The following CNTNAP2 variants were observed in gnomAD, a reference collection of about 807,000 sequenced individuals.
The protein encoded by CNTNAP2 is contactin associated protein 2, also known as contactin-associated protein-like 2.
CNTNAP2 carries 98 observed loss-of-function variants against 155.2 expected under a neutral mutation model. The observed-to-expected ratio is 0.63, with a 90% CI of 0.54 to 0.75. The LOEUF (loss-of-function observed/expected upper bound fraction) is 0.75, where lower values mean the gene tolerates loss of function less well. CNTNAP2 is among the 30% of genes least tolerant of loss of function. CNTNAP2 has a pLI of 0.00. For missense variants in CNTNAP2, 1,727 were observed against 1,688.1 expected, an observed-to-expected ratio of 1.02 and a Z score of -0.40; for synonymous variants, 651 against 631.2, an observed-to-expected ratio of 1.03 and a Z score of -0.47.
intron 15 of CNTNAP2, among the ~76,000 whole-genome samples, chr7:148,022,732 C>A (rs1390717601): frequency 6.6e-6 from 1 of 151,716 alleles, no homozygotes; most frequent in Non-Finnish European, 1.5e-5. Flanking sequence ...TTGGACTCTG[C>A]GAATGGATGT....
chr7:148,176,211 C>CTTTTTTTTTTTTTTTT (rs1188113801), intron 18 of CNTNAP2, among the ~76,000 whole-genome samples: 4 of 92,794 alleles, frequency 4.3e-5, no homozygotes, highest in African/African-American at 1.7e-4. Flanking sequence ...CTTTCTTTCT[C>CTTTTTTTTTTTTTTTT]TTTTTTTTTT....
chr7:148,245,390 C>A (rs1796242676), intron 20 of CNTNAP2, among the ~76,000 whole-genome samples: 1 of 152,152 alleles, frequency 6.6e-6, no homozygotes, highest in Non-Finnish European at 1.5e-5. Flanking sequence ...TGGTGGGATC[C>A]CACCTGCAGT....
At chr7:148,325,219 T>G (rs916527173) in intron 21 of CNTNAP2, among the ~76,000 whole-genome samples, 1 of 152,206 alleles carries the variant, frequency 6.6e-6, no homozygotes, top group Non-Finnish European at 1.5e-5. Context: ...AAATACAAAT[T>G]TAAGCATCTT....
intron 14 of CNTNAP2, among the ~76,000 whole-genome samples, chr7:147,940,476 T>A (rs1800699730): frequency 6.6e-6 from 1 of 152,060 alleles, no homozygotes. Flanking sequence ...CCAACTTCAC[T>A]GAGCATGAGT....
chr7:146,696,748 T>C (rs1800789247), intron 1 of CNTNAP2, among the ~76,000 whole-genome samples: 1 of 152,182 alleles, frequency 6.6e-6, no homozygotes. Context: ...TATTTTTATT[T>C]TTTCTTCAGA....
chr7:147,698,201 T>G (rs1796189151), intron 13 of CNTNAP2, among the ~76,000 whole-genome samples: 1 of 152,196 alleles, frequency 6.6e-6, no homozygotes, highest in African/African-American at 2.4e-5. Context: ...TGCTCAGATT[T>G]TTACTTATTG....
intron 13 of CNTNAP2, among the ~76,000 whole-genome samples, chr7:147,893,044 G>A (rs1012579917): frequency 1.3e-5 from 2 of 152,154 alleles, no homozygotes; most frequent in Non-Finnish European, 2.9e-5. Context: ...ATCTGCAGTA[G>A]GGACTCCACA....
At chr7:147,745,093 G>A (rs543517558) in intron 13 of CNTNAP2, among the ~76,000 whole-genome samples, 1 of 152,288 alleles carries the variant, frequency 6.6e-6, no homozygotes, top group African/African-American at 2.4e-5. Context: ...CAAAGATCTT[G>A]GACTGAGAAT....
intron 16 of CNTNAP2, among the ~76,000 whole-genome samples, chr7:148,138,533 C>T (rs925814811): frequency 6.6e-6 from 1 of 152,190 alleles, no homozygotes; most frequent in Non-Finnish European, 1.5e-5. Context: ...TGAGTTTTCT[C>T]ATTTTGCCGC....
intron 12 of CNTNAP2, among the ~76,000 whole-genome samples, chr7:147,590,663 G>T (rs1800719519): frequency 6.6e-6 from 1 of 152,136 alleles, no homozygotes; most frequent in African/African-American, 2.4e-5. Context: ...TAACTTTCCT[G>T]CTCTCACAGA....
intron 12 of CNTNAP2, among the ~76,000 whole-genome samples, chr7:147,567,489 A>G (rs895730760): frequency 6.6e-6 from 1 of 152,170 alleles, no homozygotes; most frequent in African/African-American, 2.4e-5. Context: ...ACAGGGAAAC[A>G]AGTTCGAAAG....
intron 13 of CNTNAP2, among the ~76,000 whole-genome samples, chr7:147,696,612 T>C (rs1462089380): frequency 3.3e-5 from 5 of 152,124 alleles, no homozygotes. Flanking sequence ...TCCCTTTATG[T>C]AGATCTAGTT....
intron 8 of CNTNAP2, among the ~76,000 whole-genome samples, chr7:147,149,177 G>C (rs1416630158): frequency 6.6e-6 from 1 of 152,156 alleles, no homozygotes; most frequent in East Asian, 1.9e-4. Flanking sequence ...ATTTTATGGA[G>C]TGCTGATTGG....
rs566779541 is a variant in CNTNAP2, at chr7:146,931,459, C to T, written c.402+91555C>T. Among the ~76,000 whole-genome samples, 19 of 149,146 alleles carry T rather than the reference C, an allele frequency of 1.3e-4. No individual in the cohort carries two copies. The East Asian group carries it at 3.5e-3, about 27-fold the overall frequency. On this transcript the variant is annotated intron_variant, in intron 3 of 23. Transcript: ENST00000361727. Reference sequence around the variant, plus strand: ...GCAGTGTGTAGAGGGAAATTTATAGCACTAAATGCCCACAAAAGAAAGCAG... The same window carrying T: ...GCAGTGTGTAGAGGGAAATTTATAGTACTAAATGCCCACAAAAGAAAGCAG...
chr7:146,191,949 A>G (rs897447702), intron 1 of CNTNAP2, among the ~76,000 whole-genome samples: 9 of 152,178 alleles, frequency 5.9e-5, no homozygotes, highest in African/African-American at 2.2e-4. Flanking sequence ...GCTTACGAAG[A>G]TGACAGGATT....
In CNTNAP2 at chr7:146,380,784, C is replaced by CTTTTTTT. The variant is rs56886106; in HGVS notation, c.97+263838_97+263844dup. Among the ~76,000 whole-genome samples, 33 of 38,818 alleles carry CTTTTTTT rather than the reference C, an allele frequency of 8.5e-4. 6 individuals carry two copies. The highest frequency in any genetic ancestry group is 2.2e-3 in the African/African-American group (28 of 12,768). 25.5% of individuals were successfully genotyped at this position (38,818 alleles called of 152,430 possible). ...ATATTTCTTGCTTCTTATGCACGTTCTTTTTTTTTTTTTTTTTTTTTTTTT... is the reference window on the plus strand; with the variant it reads ...ATATTTCTTGCTTCTTATGCACGTTCTTTTTTTTTTTTTTTTTTTTTTTTTTTTTTTT... On this transcript the variant is annotated intron_variant, in intron 1 of 23. Coordinates refer to ENST00000361727, the MANE Select transcript of CNTNAP2 (RefSeq NM_014141.6).
intron 17 of CNTNAP2, among the ~76,000 whole-genome samples, chr7:148,163,358 A>C (rs1194480026): frequency 6.6e-6 from 1 of 152,216 alleles, no homozygotes; most frequent in Non-Finnish European, 1.5e-5. Flanking sequence ...TCTAGTATTT[A>C]ATTAATATTA....
At chr7:147,816,794 A>T (rs1052193945) in intron 13 of CNTNAP2, among the ~76,000 whole-genome samples, 1 of 152,194 alleles carries the variant, frequency 6.6e-6, no homozygotes, top group Non-Finnish European at 1.5e-5. Flanking sequence ...ACCATTTTGC[A>T]ATGTTAATAA....
intron 15 of CNTNAP2, among the ~76,000 whole-genome samples, chr7:148,038,090 A>G (rs2527058): frequency 0.36 from 54,336 of 152,118 alleles, 10,434 homozygotes; most frequent in East Asian, 0.75. Flanking sequence ...ATAAACAAAT[A>G]GATCATTATA....
Sources: gnomAD v4.1 joint callset for allele counts (sites outside exome capture counted in the v4.1 genomes callset) on GRCh38, gnomAD v4.1.1 for gene constraint, MANE v1.5 for transcripts, NCBI Gene and HGNC (gene_info 2026-07-23, HGNC 2026-07-21) for gene names.